The following DMKN variants were observed in gnomAD, a reference collection of about 807,000 sequenced individuals.
DMKN encodes dermokine, also known as epidermis-specific secreted protein SK30/SK89.
Under a neutral mutation model 67.6 loss-of-function variants are expected in DMKN, and 58 were observed. The ratio of observed to expected loss-of-function variants is 0.86; its 90% confidence interval spans 0.69 to 1.07. The LOEUF (loss-of-function observed/expected upper bound fraction) is 1.07. DMKN is among the 50% of genes least tolerant of loss of function. The pLI is 0.00. For missense variants in DMKN, 596 were observed against 601.5 expected (o/e 0.99, Z 0.10); for synonymous variants, 240 against 232.3 (o/e 1.03, Z -0.30).
chr19:35,500,606 C>T (rs761780049), intron 11 of DMKN, 26 bp from the exon 12 acceptor site: 7 of 1,597,322 alleles, frequency 4.4e-6, no homozygotes, highest in Non-Finnish European at 6.0e-6. Flanking sequence ...GGCCACAGTT[C>T]GTGCCTCCGC....
chr19:35,511,929 A>C, intron 3 of DMKN, 116 bp from the exon 4 acceptor site: 2 of 1,191,430 alleles, frequency 1.7e-6, no homozygotes, highest in Non-Finnish European at 2.3e-6. Context: ...CTTTCTCCTA[A>C]TGTGTTTCTC....
intron 7 of DMKN, chr19:35,506,984 A>T (rs1475282134): frequency 5.8e-6 from 1 of 172,422 alleles, no homozygotes; most frequent in African/African-American, 2.4e-5. Context: ...TTTTCTTTTT[A>T]AAAAGTAGAG....
intron 9 of DMKN, among the ~76,000 whole-genome samples, chr19:35,505,072 G>C (rs1031305807): frequency 6.7e-6 from 1 of 149,378 alleles, no homozygotes; most frequent in Admixed American, 6.7e-5. Context: ...CTCCAATCAC[G>C]AATCGCAGCT....
intron 2 of DMKN, 41 bp downstream of exon 2, chr19:35,512,549 G>A (rs1299171443): frequency 5.0e-6 from 8 of 1,613,058 alleles, no homozygotes; most frequent in Non-Finnish European, 6.8e-6. Flanking sequence ...TGGGCTTGGA[G>A]GGAGGGAGGT....
chr19:35,508,336 T>C lies in DMKN; in HGVS notation c.1038+1575A>G. The C allele has an allele frequency of 2.8e-6, 4 of 1,449,654 alleles. No individual in the cohort carries two copies. The Admixed American group carries it at 8.4e-5, about 30-fold the overall frequency. The allele number at this position is 1,449,654 out of a possible 1,614,324, so 89.8% of individuals were successfully genotyped here. A position where few individuals can be genotyped will look rare whatever the true frequency, so the allele number is the denominator to read the frequency against. On this transcript the variant is annotated intron_variant, in intron 7 of 15. Transcript: ENST00000339686. ...TGATTTAATATGATTCCTCTAAGAA[T>C]CCTAATGGCACTCTCTTTTGGAACT...
chr19:35,502,377 A>C (rs1382953216), intron 10 of DMKN, among the ~76,000 whole-genome samples, 194 bp from the exon 11 acceptor site: 1 of 151,990 alleles, frequency 6.6e-6, no homozygotes, highest in Non-Finnish European at 1.5e-5. Flanking sequence ...ATTTGGTGAT[A>C]AGATTTGGAT....
Position 35,506,485 on chromosome 19 carries a change from T to A in DMKN, c.1039-499A>T, listed in dbSNP as rs1011954601. ...GCAAATGAGATTAGCTAACGTGTAG[T>A]CCCACGGCACGCCAAGCACCATGCC... On this transcript the variant is annotated intron_variant, in intron 7 of 15. Coordinates refer to ENST00000339686, the MANE Select transcript of DMKN (RefSeq NM_033317.5). The A allele has an allele frequency of 8.9e-6, 5 of 564,740 alleles. No homozygotes were observed. The African/African-American group carries it at 9.3e-5, about 10-fold the overall frequency. 35.0% of individuals were successfully genotyped at this position (564,740 alleles called of 1,614,324 possible). A position where few individuals can be genotyped will look rare whatever the true frequency, so the allele number is the denominator to read the frequency against.
rs1599857979 is a variant in DMKN, at chr19:35,502,255, G to A, written c.1192-72C>T. On this transcript the variant is annotated intron_variant, in intron 10 of 15. Transcript: ENST00000339686. ...GGGGTGGTCTATGCAGCAAATTGGG[G>A]GGATTCCAGATCTCGGGTAGGAAGG... The A allele has an allele frequency of 5.4e-6, 8 of 1,488,554 alleles. No individual in the cohort carries two copies. In the East Asian group the frequency reaches 1.6e-4, roughly 29 times the overall value. 92.2% of individuals were successfully genotyped at this position (1,488,554 alleles called of 1,614,324 possible).
intron 5 of DMKN, 39 bp from the exon 6 acceptor site, chr19:35,510,291 G>A: frequency 6.4e-7 from 1 of 1,570,336 alleles, no homozygotes; most frequent in Non-Finnish European, 8.6e-7. Flanking sequence ...TGTCCTAAAG[G>A]ACCTAAAGGG....
rs1248150047 is a variant in DMKN at position 35,513,308 on chromosome 19, G to C, written c.168C>G (p.Gly56=). 1 of 1,614,172 alleles carries C rather than the reference G, an allele frequency of 6.2e-7. No homozygotes were observed. The highest frequency in any genetic ancestry group is 1.1e-5 in the South Asian group (1 of 91,070). The change falls in exon 1 of 16, where the codon GGC becomes GGG. Residue 56 remains glycine, a synonymous_variant. Coordinates refer to ENST00000339686, the MANE Select transcript of DMKN (RefSeq NM_033317.5). ...AGCCAGCTGCCCCTCCGGCCTCTTT[G>C]CCAATGGCCTTTCCCACCCCTTCGC... ...ALSEGVGKAI[G]KEAGGAAGSK...
At chr19:35,510,106 TC>T in intron 6 of DMKN, 77 bp downstream of exon 6, 1 of 1,563,536 alleles carries the variant, frequency 6.4e-7, no homozygotes, top group Non-Finnish European at 8.7e-7. Flanking sequence ...GAGCCTTGGC[TC>T]CCCGATCCTG....
At chr19:35,501,957 C>G (rs1396183703) in intron 11 of DMKN, 179 bp downstream of exon 11, 5 of 1,551,376 alleles carry the variant, frequency 3.2e-6, no homozygotes, top group Non-Finnish European at 3.5e-6. Context: ...GGGAGGTCCT[C>G]CCACCCTGCT....
In DMKN at chr19:35,511,496, CTG is replaced by C. The variant is rs1413893013; in HGVS notation, c.831_832del (p.Ser277ArgfsTer22). Reference sequence around the variant, plus strand: ...ACTGCTGCCGCCACTGCTGCCGCCACTGCTGCTGCCACTGCTGCTGCCACCAC... The same window carrying C: ...ACTGCTGCCGCCACTGCTGCCGCCACCTGCTGCCACTGCTGCTGCCACCAC... On this transcript the variant is annotated frameshift_variant, in exon 5 of 16. Coordinates refer to ENST00000339686, the MANE Select transcript of DMKN (RefSeq NM_033317.5). LOFTEE classifies it high-confidence loss of function. 6 of 1,089,418 alleles carry C rather than the reference CTG, an allele frequency of 5.5e-6. No individual in the cohort carries two copies. The highest frequency in any genetic ancestry group is 3.2e-4 in the Middle Eastern group (1 of 3,078). 67.5% of individuals were successfully genotyped at this position (1,089,418 alleles called of 1,614,324 possible).
chr19:35,511,519 A>ACAGCTGCTGCCACTGCTGCTG lies in DMKN; in HGVS notation c.809_810insCAGCAGCAGTGGCAGCAGCTG (p.Gly270_Gly271insSerSerSerGlySerSerCys). Reference sequence around the variant, plus strand: ...CACTGCTGCTGCCACTGCTGCTGCCACCACTGCTGCTGCCATTGTTGTTGT... The same window carrying ACAGCTGCTGCCACTGCTGCTG: ...CACTGCTGCTGCCACTGCTGCTGCCACAGCTGCTGCCACTGCTGCTGCCACTGCTGCTGCCATTGTTGTTGT... On this transcript the variant is annotated inframe_insertion, in exon 5 of 16. Transcript: ENST00000339686. The ACAGCTGCTGCCACTGCTGCTG allele has an allele frequency of 8.2e-7, 1 of 1,226,802 alleles. No homozygotes were observed. Among genetic ancestry groups the ACAGCTGCTGCCACTGCTGCTG allele is most frequent in the Non-Finnish European group, 1.1e-6 (1 of 946,136 alleles). The allele number at this position is 1,226,802 out of a possible 1,614,324, so 76.0% of individuals were successfully genotyped here.
intron 11 of DMKN, 40 bp from the exon 12 acceptor site, chr19:35,500,620 C>A: frequency 1.3e-6 from 2 of 1,583,884 alleles, no homozygotes; most frequent in South Asian, 2.3e-5. Flanking sequence ...CCTCCGCAGT[C>A]GTGCGGGCAT....
At chr19:35,501,119 C>CA (rs1238104521) in intron 11 of DMKN, among the ~76,000 whole-genome samples, 3 of 152,162 alleles carry the variant, frequency 2.0e-5, no homozygotes, top group African/African-American at 7.2e-5. Context: ...CCGGACACCC[C>CA]CCCCAGCCCC....
At chr19:35,509,479 C>A (rs1378577144) in intron 7 of DMKN, 1 of 157,092 alleles carries the variant, frequency 6.4e-6, no homozygotes, top group Non-Finnish European at 1.4e-5. Flanking sequence ...GAGCAACCTG[C>A]ACTTTCACAA....
chr19:35,510,919 C>A (rs2070642768), intron 5 of DMKN, among the ~76,000 whole-genome samples: 1 of 152,168 alleles, frequency 6.6e-6, no homozygotes, highest in Admixed American at 6.5e-5. Context: ...GGTCACAGCG[C>A]CCCTTCCTGC....
chr19:35,505,316 G>A (rs930934059), intron 9 of DMKN, among the ~76,000 whole-genome samples: 2 of 152,098 alleles, frequency 1.3e-5, no homozygotes, highest in African/African-American at 2.4e-5. Context: ...TGAGGCTCTC[G>A]GCCAGTGCTG....
Sources: allele counts gnomAD v4.1 joint callset (sites outside exome capture counted in the v4.1 genomes callset), GRCh38; gene constraint gnomAD v4.1.1; transcripts MANE v1.5; gene names NCBI Gene and HGNC (gene_info 2026-07-23, HGNC 2026-07-21).